GOLM1: variants seen among roughly 807,000 people sequenced by gnomAD.
The protein encoded by GOLM1 is golgi membrane protein 1, also known as epididymis luminal protein 46.
In GOLM1, 31 loss-of-function variants were observed where a neutral mutation model predicts 50.5. That is an observed-to-expected ratio of 0.61 (90% CI 0.46 to 0.83). The LOEUF is 0.83. GOLM1 is among the 40% of genes least tolerant of loss of function. The probability of loss-of-function intolerance (pLI) is 0.00; values close to 1 mark genes in which losing one functional copy is unlikely to be tolerated. For missense variants in GOLM1, 491 were observed against 501.3 expected, an observed-to-expected ratio of 0.98 and a Z score of 0.20; for synonymous variants, 178 against 192.8, an observed-to-expected ratio of 0.92 and a Z score of 0.64.
chr9:86,056,831 C>T (rs1834007897), intron 3 of GOLM1, among the ~76,000 whole-genome samples: 1 of 151,770 alleles, frequency 6.6e-6, no homozygotes, highest in South Asian at 2.1e-4. Flanking sequence ...GAGACAGTCT[C>T]ACTCTGTTGC....
chr9:86,053,635 A>C (rs1231418289), intron 3 of GOLM1, among the ~76,000 whole-genome samples: 37 of 27,090 alleles, frequency 1.4e-3, no homozygotes, highest in Middle Eastern at 0.026. Flanking sequence ...ATCACTACAA[A>C]ACACACACCA....
In GOLM1 at chr9:86,068,155, G is replaced by C. The variant is rs1425376323; in HGVS notation, c.309+9257C>G. ...AGGAGAAGAGGCGAAAAGAAAGACT[G>C]AGAGGCAAGCAGGCCATGTGAGGTG... On this transcript the variant is annotated intron_variant, in intron 3 of 9. Coordinates refer to ENST00000388712, the MANE Select transcript of GOLM1 (RefSeq NM_016548.4). Among the ~76,000 whole-genome samples, 6 of 152,306 alleles carry C rather than the reference G, an allele frequency of 3.9e-5. No homozygotes were observed. The East Asian group carries it at 7.7e-4, about 20-fold the overall frequency.
At chr9:86,043,699 T>A (rs1229338215) in intron 5 of GOLM1, among the ~76,000 whole-genome samples, 1 of 152,144 alleles carries the variant, frequency 6.6e-6, no homozygotes, top group Non-Finnish European at 1.5e-5. Flanking sequence ...AGAAAGAGCT[T>A]TCAATCTAGG....
At chr9:86,029,840 A>C (rs1832915153) in intron 9 of GOLM1, among the ~76,000 whole-genome samples, 1 of 152,232 alleles carries the variant, frequency 6.6e-6, no homozygotes, top group Non-Finnish European at 1.5e-5. Context: ...TCCTTAGGAC[A>C]CCTGAGTGTA....
intron 3 of GOLM1, among the ~76,000 whole-genome samples, chr9:86,062,219 C>A (rs1170080821): frequency 6.6e-6 from 1 of 152,116 alleles, no homozygotes; most frequent in African/African-American, 2.4e-5. Context: ...CCAGGACCCG[C>A]CCTGGGGTCA....
At chr9:86,035,866 C>CAAAAAAAAAAAAAAAAAAAAAAAAAA (rs1276980708) in intron 7 of GOLM1, among the ~76,000 whole-genome samples, 1 of 46,738 alleles carries the variant, frequency 2.1e-5, no homozygotes, top group Non-Finnish European at 4.1e-5. Flanking sequence ...AGTAGCTTAC[C>CAAAAAAAAAAAAAAAAAAAAAAAAAA]AAAAAAAAAA....
At chr9:86,035,347 C>A (rs887411187) in intron 8 of GOLM1, 21 bp downstream of exon 8, 1 of 1,608,384 alleles carries the variant, frequency 6.2e-7, no homozygotes. Flanking sequence ...TCCACAGCGG[C>A]CCCCGAAACT....
chr9:86,032,946 C>T (rs867949533), intron 9 of GOLM1, among the ~76,000 whole-genome samples: 6 of 152,206 alleles, frequency 3.9e-5, no homozygotes, highest in African/African-American at 1.4e-4. Flanking sequence ...TGGGGCTTCT[C>T]ATCTGGGAGG....
At chr9:86,099,656 G>C (rs1053469042), upstream of GOLM1, 3 of 150,438 alleles carry the variant, frequency 2.0e-5, no homozygotes, top group East Asian at 2.0e-4. Flanking sequence ...AGGGGCTGCC[G>C]GGGCCGCGCG....
chr9:86,058,487 T>A (rs1834054629), intron 3 of GOLM1, among the ~76,000 whole-genome samples: 1 of 151,576 alleles, frequency 6.6e-6, no homozygotes, highest in Non-Finnish European at 1.5e-5. Flanking sequence ...GGCAGGTGGA[T>A]CACTTGAGGT....
At chr9:86,090,535 G>A (rs1835144035) in intron 1 of GOLM1, among the ~76,000 whole-genome samples, 1 of 152,134 alleles carries the variant, frequency 6.6e-6, no homozygotes, top group Non-Finnish European at 1.5e-5. Context: ...TCTTTACACT[G>A]TGAGAGGAAA....
At chr9:86,094,541 A>C (rs1319718956) in intron 1 of GOLM1, among the ~76,000 whole-genome samples, 1 of 152,234 alleles carries the variant, frequency 6.6e-6, no homozygotes, top group African/African-American at 2.4e-5. Flanking sequence ...AGGTAGTAGA[A>C]ACACCAAAAA....
intron 1 of GOLM1, among the ~76,000 whole-genome samples, chr9:86,091,304 C>T (rs1835177564): frequency 6.6e-6 from 1 of 152,158 alleles, no homozygotes; most frequent in African/African-American, 2.4e-5. Flanking sequence ...ATTTCCTATT[C>T]TAAGTTTATA....
intron 1 of GOLM1, among the ~76,000 whole-genome samples, chr9:86,096,177 GTT>G (rs11475801): frequency 9.8e-4 from 138 of 140,570 alleles, no homozygotes; most frequent in Non-Finnish European, 9.6e-4. Flanking sequence ...TGCTCGATAG[GTT>G]TTTTTTTTTT....
intron 3 of GOLM1, 132 bp downstream of exon 3, chr9:86,077,280 A>T: frequency 1.4e-6 from 1 of 735,096 alleles, no homozygotes; most frequent in Non-Finnish European, 2.3e-6. Context: ...CCAAAGCTTG[A>T]TCAATAGGCT....
In GOLM1 at chr9:86,040,370, C is replaced by T. The variant is rs144689785; in HGVS notation, c.597+369G>A. ...GGAATGACAGCACGAGACATGGAGT[C>T]GGCCAGACCTGAGGTCTTGATGGGC... is the stretch of plus-strand genomic sequence containing the variant. On this transcript the variant is annotated intron_variant, in intron 6 of 9. Coordinates refer to ENST00000388712, the MANE Select transcript of GOLM1 (RefSeq NM_016548.4). 4.0e-3 allele frequency among the ~76,000 whole-genome samples: 604 copies of T among 152,280 alleles called. 6 individuals carry two copies. The highest frequency in any genetic ancestry group is 0.013 in the African/African-American group (550 of 41,574).
intron 1 of GOLM1, among the ~76,000 whole-genome samples, chr9:86,097,864 G>T (rs956687462): frequency 6.6e-5 from 10 of 152,096 alleles, no homozygotes; most frequent in African/African-American, 2.4e-4. Flanking sequence ...CCTAACTGTT[G>T]TTTCTGCCCA....
At chr9:86,060,389 T>G (rs1424733450) in intron 3 of GOLM1, among the ~76,000 whole-genome samples, 1 of 151,926 alleles carries the variant, frequency 6.6e-6, no homozygotes, top group African/African-American at 2.4e-5. Context: ...GATTACACAC[T>G]CACACACTCA....
At chr9:86,062,202 G>A (rs572919566) in intron 3 of GOLM1, among the ~76,000 whole-genome samples, 1 of 152,136 alleles carries the variant, frequency 6.6e-6, no homozygotes. Context: ...GAGAGTGCAG[G>A]ATGCTCCCAG....
Sources: allele counts gnomAD v4.1 joint callset (sites outside exome capture counted in the v4.1 genomes callset), GRCh38; gene constraint gnomAD v4.1.1; transcripts MANE v1.5; gene names NCBI Gene and HGNC (gene_info 2026-07-23, HGNC 2026-07-21).